Variants in FAM228B observed in about 807,000 individuals in gnomAD.
FAM228B encodes the protein family with sequence similarity 228 member B.
FAM228B carries 38 observed loss-of-function variants against 42.6 expected under a neutral mutation model. The observed-to-expected ratio is 0.89, with a 90% CI of 0.69 to 1.17. FAM228B has a LOEUF of 1.17. Among genes scored for constraint, FAM228B ranks in the 50% most tolerant of loss-of-function variants. The pLI is 0.00. For missense variants in FAM228B, 344 were observed against 367.3 expected, an observed-to-expected ratio of 0.94 and a Z score of 0.52; for synonymous variants, 109 against 122.3, an observed-to-expected ratio of 0.89 and a Z score of 0.72.
At chr2:24,102,716 C>A (rs1157802992) in intron 3 of FAM228B, among the ~76,000 whole-genome samples, 1 of 152,118 alleles carries the variant, frequency 6.6e-6, no homozygotes, top group African/African-American at 2.4e-5. Context: ...CCAGCCTGGG[C>A]AACAGAGTGA....
At chr2:24,142,446 A>G (rs1449124332) in intron 5 of FAM228B, 3 of 152,212 alleles carry the variant, frequency 2.0e-5, no homozygotes, top group African/African-American at 7.2e-5. Flanking sequence ...CTACTTAAAA[A>G]TTATTAACTT....
chr2:24,114,441 A>G (rs1665853143), intron 3 of FAM228B, among the ~76,000 whole-genome samples: 1 of 152,076 alleles, frequency 6.6e-6, no homozygotes. Flanking sequence ...GTCAGATGTA[A>G]GAGGGACAGG....
rs1667177262 is a variant in FAM228B, at chr2:24,157,577, A to C, written c.687-3929A>C. Among the ~76,000 whole-genome samples, 6 of 151,994 alleles carry C rather than the reference A, an allele frequency of 3.9e-5. 1 individual carries two copies. Among genetic ancestry groups the C allele is most frequent in the Admixed American group, 3.9e-4 (6 of 15,254 alleles). ...ACATGGTGAAACCCAGTCTCTACTA[A>C]AAATACAAAAAATAGCCGGGCCTGG... On this transcript the variant is annotated intron_variant, in intron 7 of 10. Coordinates refer to ENST00000615575, the MANE Select transcript of FAM228B (RefSeq NM_001145710.2).
At chr2:24,138,636 T>C (rs561585564) in intron 4 of FAM228B, among the ~76,000 whole-genome samples, 1 of 149,086 alleles carries the variant, frequency 6.7e-6, no homozygotes, top group African/African-American at 2.4e-5. Context: ...TGCCCAGCCC[T>C]CCCCATGTAA....
intron 10 of FAM228B, among the ~76,000 whole-genome samples, chr2:24,168,716 C>T (rs573441635): frequency 2.6e-5 from 4 of 152,096 alleles, no homozygotes; most frequent in African/African-American, 7.2e-5. Flanking sequence ...GGAATGCTCC[C>T]ATAGAGAGGG....
intron 7 of FAM228B, among the ~76,000 whole-genome samples, chr2:24,155,531 A>ATATATATAT (rs1558393367): frequency 1.5e-4 from 2 of 13,038 alleles, no homozygotes; most frequent in Non-Finnish European, 3.2e-4. Flanking sequence ...ATATATATAT[A>ATATATATAT]TTTTTTTTTT....
intron 3 of FAM228B, among the ~76,000 whole-genome samples, chr2:24,111,302 C>T (rs1665790633): frequency 6.6e-6 from 1 of 152,178 alleles, no homozygotes; most frequent in Non-Finnish European, 1.5e-5. Flanking sequence ...TCAGGCAATC[C>T]ACCTGCTTTA....
chr2:24,107,048 G>T (rs1337034199), intron 3 of FAM228B, among the ~76,000 whole-genome samples: 7 of 152,100 alleles, frequency 4.6e-5, no homozygotes, highest in African/African-American at 1.7e-4. Context: ...CACATGTAAT[G>T]ACATCTATAG....
chr2:24,111,198 C>G (rs1357794534), intron 3 of FAM228B, among the ~76,000 whole-genome samples: 1 of 152,054 alleles, frequency 6.6e-6, no homozygotes, highest in Non-Finnish European at 1.5e-5. Flanking sequence ...GTAGTTGGGA[C>G]TACAGGGGTG....
intron 2 of FAM228B, among the ~76,000 whole-genome samples, chr2:24,129,722 A>G (rs1029103626): frequency 6.6e-6 from 1 of 152,174 alleles, no homozygotes; most frequent in Non-Finnish European, 1.5e-5. Flanking sequence ...AATTATAAGC[A>G]TATTTTTAAG....
rs182183466 is a variant in FAM228B, at chr2:24,158,842, A to G, written c.687-2664A>G. Among the ~76,000 whole-genome samples the G allele has an allele frequency of 1.4e-4, 21 of 152,304 alleles. No homozygotes were observed. In the East Asian group the frequency reaches 3.7e-3, roughly 27 times the overall value. On this transcript the variant is annotated intron_variant, in intron 7 of 10. Coordinates refer to ENST00000615575, the MANE Select transcript of FAM228B (RefSeq NM_001145710.2). Reference sequence around the variant, plus strand: ...TCTGTATTAGTTTCCTGGGCTTGCCATAACAAAGCACTGCAAACTGAGCAG... The same window carrying G: ...TCTGTATTAGTTTCCTGGGCTTGCCGTAACAAAGCACTGCAAACTGAGCAG...
chr2:24,128,025 A>G (rs1044576340), intron 2 of FAM228B, among the ~76,000 whole-genome samples: 12 of 152,148 alleles, frequency 7.9e-5, no homozygotes, highest in African/African-American at 2.9e-4. Flanking sequence ...TATGTACAAT[A>G]ACCTGCTTGA....
At chr2:24,089,449 A>T (rs1192710982) in intron 2 of FAM228B, among the ~76,000 whole-genome samples, 2 of 152,176 alleles carry the variant, frequency 1.3e-5, no homozygotes, top group African/African-American at 4.8e-5. Context: ...TTTTTAGCAA[A>T]ATTACTCCAT....
At position 24,084,125 on chromosome 2, in the gene FAM228B, T is replaced by C. The variant is rs982068060; in HGVS notation, c.-210+3170T>C. 12 of 1,548,042 alleles carry C rather than the reference T, an allele frequency of 7.8e-6. No homozygotes were observed. In the East Asian group the frequency reaches 2.0e-4, roughly 26 times the overall value. ...GCCTTCACGTCTGGTCAATGTCCAC[T>C]GAGTGCTGTTGAGAGGGAGGCTCTG... On this transcript the variant is annotated intron_variant, in intron 2 of 10. Transcript: ENST00000613899. This position sits in a 1 kb window ranked among gnomAD's most constrained non-coding sequence, Gnocchi z 8.4.
At chr2:24,115,293 G>C (rs1296373087) in intron 3 of FAM228B, 1 of 386,954 alleles carries the variant, frequency 2.6e-6, no homozygotes, top group Non-Finnish European at 4.8e-6. Context: ...AGCAAGGTGT[G>C]TAGGAGTACA....
At chr2:24,079,701 A>ATCT in intron 1 of FAM228B, 2 of 1,510,344 alleles carry the variant, frequency 1.3e-6, no homozygotes, top group Non-Finnish European at 1.8e-6. Context: ...ATACCATGGT[A>ATCT]TATTTGGGGA....
chr2:24,086,999 G>A (rs984161104), intron 2 of FAM228B, among the ~76,000 whole-genome samples: 2 of 152,132 alleles, frequency 1.3e-5, no homozygotes, highest in Admixed American at 6.6e-5. Context: ...TAATGTAAGT[G>A]CTAAATAAGA....
Position 24,167,614 on chromosome 2 carries a change from A to G in FAM228B, c.933-13A>G, listed in dbSNP as rs1319896428. 5.8e-6 allele frequency: 9 copies of G among 1,551,402 alleles called. No individual in the cohort carries two copies. Among genetic ancestry groups the G allele is most frequent in the East Asian group, 4.9e-5 (2 of 40,908 alleles). The stretch of plus-strand genomic sequence containing the variant: ...GTATAACATAATGACCAAAGCTTCA[A>G]TCTTCATTTAAGGTCTCCCTCCCCG... On this transcript the variant is annotated splice_polypyrimidine_tract_variant and intron_variant, in intron 9 of 10. Coordinates refer to ENST00000615575, the MANE Select transcript of FAM228B (RefSeq NM_001145710.2).
intron 7 of FAM228B, among the ~76,000 whole-genome samples, chr2:24,152,739 T>C (rs1667053368): frequency 6.6e-6 from 1 of 152,152 alleles, no homozygotes; most frequent in Non-Finnish European, 1.5e-5. Flanking sequence ...AGACGTCTAG[T>C]ATAGCACCGA....
Sources: gnomAD v4.1 joint callset for allele counts (sites outside exome capture counted in the v4.1 genomes callset) on GRCh38, gnomAD v4.1.1 for gene constraint, Gnocchi (gnomAD v3.1) non-coding constraint, MANE v1.5 for transcripts, NCBI Gene and HGNC (gene_info 2026-07-23, HGNC 2026-07-21) for gene names.